Variants in MAP3K8 observed in about 807,000 individuals in gnomAD.
The protein encoded by MAP3K8 is Ewing sarcoma transformant.
MAP3K8 carries 22 observed loss-of-function variants against 45.8 expected under a neutral mutation model. That is an observed-to-expected ratio of 0.48 (90% CI 0.34 to 0.69). MAP3K8 has a LOEUF of 0.69. Ranked by LOEUF, MAP3K8 falls within the 30% of genes least tolerant of loss-of-function variation. MAP3K8 has a pLI of 0.01. For missense variants in MAP3K8, 419 were observed against 585.0 expected (o/e 0.72, Z 2.93); for synonymous variants, 223 against 214.3 (o/e 1.04, Z -0.36).
intron 3 of MAP3K8, among the ~76,000 whole-genome samples, chr10:30,441,031 A>C (rs1836086595): frequency 6.6e-6 from 1 of 152,238 alleles, no homozygotes; most frequent in East Asian, 1.9e-4. Context: ...TTAATCCTAA[A>C]AAGAAGAGAG....
In MAP3K8 at chr10:30,437,455, G is replaced by T. The variant is rs372689427; in HGVS notation, c.-24+49G>T. The T allele has an allele frequency of 1.9e-4, 55 of 289,126 alleles. 1 individual carries two copies. The South Asian group carries it at 6.4e-3, about 33-fold the overall frequency. The allele number at this position is 289,126 out of a possible 1,614,324, so 17.9% of individuals were successfully genotyped here. A position where few individuals can be genotyped will look rare whatever the true frequency, so the allele number is the denominator to read the frequency against. On this transcript the variant is annotated intron_variant, in intron 2 of 8. Coordinates refer to ENST00000263056, the MANE Select transcript of MAP3K8 (RefSeq NM_005204.4). ...TTTACAGATGGGGAAAATTGAGGTCGAGAGAGGTTACGTTACTTGCTCAAC... is the reference window on the plus strand; with the variant it reads ...TTTACAGATGGGGAAAATTGAGGTCTAGAGAGGTTACGTTACTTGCTCAAC...
chr10:30,437,558 T>TG (rs1283890678), intron 2 of MAP3K8, among the ~76,000 whole-genome samples, 152 bp downstream of exon 2: 10 of 152,194 alleles, frequency 6.6e-5, no homozygotes, highest in African/African-American at 2.4e-4. Context: ...AGAGGAATGT[T>TG]GGATTGCAGG....
At chr10:30,458,920 A>T (rs1027035777) in intron 7 of MAP3K8, among the ~76,000 whole-genome samples, 8 of 152,084 alleles carry the variant, frequency 5.3e-5, no homozygotes, top group African/African-American at 2.4e-5. Context: ...ACAAAAAATT[A>T]AAAAAATTAG....
intron 4 of MAP3K8, among the ~76,000 whole-genome samples, 163 bp downstream of exon 4, chr10:30,448,112 G>A (rs1418157571): frequency 6.6e-6 from 1 of 152,028 alleles, no homozygotes; most frequent in Non-Finnish European, 1.5e-5. Context: ...TGGCTACTTG[G>A]GGCCATTCAG....
At chr10:30,439,682 G>T (rs1022658112) in intron 3 of MAP3K8, among the ~76,000 whole-genome samples, 3 of 152,098 alleles carry the variant, frequency 2.0e-5, no homozygotes, top group Non-Finnish European at 4.4e-5. Flanking sequence ...GGTGGCGGGT[G>T]CCTGTAATTC....
intron 3 of MAP3K8, 43 bp downstream of exon 3, chr10:30,439,317 T>G: frequency 6.2e-7 from 1 of 1,606,882 alleles, no homozygotes; most frequent in Non-Finnish European, 8.5e-7. Flanking sequence ...TGCTCAGCTT[T>G]CCTACTGCAG....
chr10:30,450,195 AT>A lies in MAP3K8; in HGVS notation c.505-59del. Reference sequence around the variant, plus strand: ...CCTTTTGTTTTTTGCATTGACCTATATTTTATATTTTTAAGATGACTTTGGG... The same window carrying A: ...CCTTTTGTTTTTTGCATTGACCTATATTTATATTTTTAAGATGACTTTGGG... On this transcript the variant is annotated intron_variant, in intron 4 of 8. Transcript: ENST00000263056. 2.0e-6 allele frequency: 3 copies of A among 1,486,510 alleles called. No homozygotes were observed. In the South Asian group the frequency reaches 4.0e-5, roughly 20 times the overall value. 92.1% of individuals were successfully genotyped at this position (1,486,510 alleles called of 1,614,324 possible).
intron 8 of MAP3K8, among the ~76,000 whole-genome samples, chr10:30,460,487 C>A (rs1836897954): frequency 6.6e-6 from 1 of 152,098 alleles, no homozygotes; most frequent in Non-Finnish European, 1.5e-5. Context: ...AAAAATATGC[C>A]AGGATTTCTA....
intron 3 of MAP3K8, among the ~76,000 whole-genome samples, chr10:30,440,901 CTT>C (rs1836082152): frequency 6.6e-6 from 1 of 152,070 alleles, no homozygotes; most frequent in East Asian, 1.9e-4. Context: ...TATGCAAAGA[CTT>C]AGGTATGTTT....
chr10:30,456,851 C>T (rs562669810), intron 6 of MAP3K8, among the ~76,000 whole-genome samples: 32 of 152,002 alleles, frequency 2.1e-4, no homozygotes, highest in Middle Eastern at 3.4e-3. Context: ...TTTGGGAGGC[C>T]GAGGCAGGTG....
chr10:30,440,176 G>T (rs573193174), intron 3 of MAP3K8, among the ~76,000 whole-genome samples: 1 of 152,358 alleles, frequency 6.6e-6, no homozygotes. Flanking sequence ...ATGTGTTTAG[G>T]TGTGCCTGGG....
chr10:30,457,515 G>A (rs1836777950), intron 6 of MAP3K8, among the ~76,000 whole-genome samples: 1 of 152,148 alleles, frequency 6.6e-6, no homozygotes, highest in African/African-American at 2.4e-5. Context: ...AAAGGAATTG[G>A]CGTTTTAGTT....
At chr10:30,459,530 C>CTTACTTCCCTTCTCT (rs1376459602) in intron 8 of MAP3K8, 29 bp downstream of exon 8, 1 of 1,610,014 alleles carries the variant, frequency 6.2e-7, no homozygotes, top group South Asian at 1.1e-5. Flanking sequence ...GTGCCGCACA[C>CTTACTTCCCTTCTCT]TTACTTCCCT....
chr10:30,442,964 C>G (rs303436), intron 3 of MAP3K8, among the ~76,000 whole-genome samples: 1 of 151,942 alleles, frequency 6.6e-6, no homozygotes, highest in South Asian at 2.1e-4. Flanking sequence ...TTGAAAATCT[C>G]CTGTGACAAG....
intron 3 of MAP3K8, among the ~76,000 whole-genome samples, chr10:30,447,137 C>T (rs556443969): frequency 2.4e-4 from 36 of 152,308 alleles, no homozygotes; most frequent in Non-Finnish European, 4.1e-4. Context: ...CAGGGATCAG[C>T]CATCTCGTTT....
chr10:30,450,663 CAT>C lies in MAP3K8; in HGVS notation c.766+147_766+148del. On this transcript the variant is annotated intron_variant, in intron 5 of 8. Coordinates refer to ENST00000263056, the MANE Select transcript of MAP3K8 (RefSeq NM_005204.4). ...ACCGTCCGTCTTCCTTCTCCAGAGA[CAT>C]ATCTTAGAATCATGCGGGGTTACTA... is the stretch of plus-strand genomic sequence containing the variant. 4 of 674,520 alleles carry C rather than the reference CAT, an allele frequency of 5.9e-6. 1 individual carries two copies. The South Asian group carries it at 7.3e-5, about 12-fold the overall frequency. The allele number at this position is 674,520 out of a possible 1,614,324, so 41.8% of individuals were successfully genotyped here. A position where few individuals can be genotyped will look rare whatever the true frequency, so the allele number is the denominator to read the frequency against.
intron 3 of MAP3K8, among the ~76,000 whole-genome samples, chr10:30,442,557 A>G (rs1012624168): frequency 1.3e-5 from 2 of 152,254 alleles, no homozygotes; most frequent in African/African-American, 4.8e-5. Context: ...GACTAAAAAT[A>G]ATATTTGTTA....
intron 6 of MAP3K8, among the ~76,000 whole-genome samples, chr10:30,453,626 C>T (rs1001815432): frequency 2.6e-5 from 4 of 152,240 alleles, no homozygotes; most frequent in African/African-American, 4.8e-5. Flanking sequence ...TGAGCACCAA[C>T]GAGGAAGCAT....
rs1203206079 is a variant in MAP3K8 at position 30,460,814 on chromosome 10, CA to C, written c.1383del (p.Pro462GlnfsTer19). ...GGCTACTTCAATCTTGTTCGGGGAC[CA>C]CCAACGCTTGAATATGGCTGAAGGA... is the stretch of plus-strand genomic sequence containing the variant. ...LAGYFNLVRG[P>X]PTLEYG On this transcript the variant is annotated frameshift_variant, in exon 9 of 9. Transcript: ENST00000263056. LOFTEE classifies it high-confidence loss of function. 6.2e-7 allele frequency: 1 copy of C among 1,613,850 alleles called. No homozygotes were observed. Among genetic ancestry groups the C allele is most frequent in the South Asian group, 1.1e-5 (1 of 91,080 alleles).
Sources: allele counts gnomAD v4.1 joint callset (sites outside exome capture counted in the v4.1 genomes callset), GRCh38; gene constraint gnomAD v4.1.1; transcripts MANE v1.5; gene names NCBI Gene and HGNC (gene_info 2026-07-23, HGNC 2026-07-21).